MBNL1: variants seen among roughly 807,000 people sequenced by gnomAD.
MBNL1 encodes muscleblind-like protein 1.
In MBNL1, 8 loss-of-function variants were observed where a neutral mutation model predicts 42.2. The observed-to-expected ratio is 0.19, with a 90% confidence interval of 0.11 to 0.34. The LOEUF is 0.34. Ranked by LOEUF, MBNL1 falls within the 10% of genes least tolerant of loss-of-function variation. The pLI, the probability that MBNL1 is intolerant of heterozygous loss-of-function variation, is 1.00. For synonymous variants in MBNL1, 169 were observed against 173.9 expected (o/e 0.97, Z 0.22); for missense variants, 309 against 495.3 (o/e 0.62, Z 3.57).
chr3:152,246,541 A>G (rs868763610), intron 2 of MBNL1, among the ~76,000 whole-genome samples: 4 of 151,594 alleles, frequency 2.6e-5, no homozygotes, highest in Non-Finnish European at 5.9e-5. Flanking sequence ...AATATTTAAT[A>G]TTAATTATTT....
intron 3 of MBNL1, among the ~76,000 whole-genome samples, chr3:152,421,965 C>CT (rs2098812484): frequency 6.9e-6 from 1 of 145,374 alleles, no homozygotes; most frequent in South Asian, 2.1e-4. Context: ...GTACCGACCA[C>CT]TAAAAAAAAA....
At chr3:152,396,609 A>T (rs1579470460) in intron 2 of MBNL1, among the ~76,000 whole-genome samples, 1 of 151,828 alleles carries the variant, frequency 6.6e-6, no homozygotes, top group South Asian at 2.1e-4. Context: ...CATTTTTTCC[A>T]CCCTGGTTTC....
chr3:152,361,213 G>C (rs2095915113), intron 2 of MBNL1, among the ~76,000 whole-genome samples: 1 of 151,796 alleles, frequency 6.6e-6, no homozygotes, highest in African/African-American at 2.4e-5. Context: ...AGAGACTGTG[G>C]GTATACATTT....
At chr3:152,400,097 A>G (rs1222283602) in intron 2 of MBNL1, among the ~76,000 whole-genome samples, 5 of 152,164 alleles carry the variant, frequency 3.3e-5, no homozygotes, top group Non-Finnish European at 7.4e-5. Flanking sequence ...CTATGAGGCT[A>G]ATAAGAATAC....
chr3:152,419,416 C>A (rs549103433), intron 3 of MBNL1, among the ~76,000 whole-genome samples: 1 of 152,150 alleles, frequency 6.6e-6, no homozygotes, highest in African/African-American at 2.4e-5. Context: ...TTGGTGCAGC[C>A]CACAGAGGGT....
intron 1 of MBNL1, among the ~76,000 whole-genome samples, chr3:152,273,296 G>C (rs1401377909): frequency 6.6e-6 from 1 of 152,078 alleles, no homozygotes; most frequent in Non-Finnish European, 1.5e-5. Flanking sequence ...AGAGAAATCG[G>C]TTTTTACGTA....
intron 2 of MBNL1, among the ~76,000 whole-genome samples, chr3:152,373,341 GAAAAAAAAAAA>G (rs35536807): frequency 0.016 from 1,435 of 90,556 alleles, 29 homozygotes; most frequent in African/African-American, 0.057. Flanking sequence ...CTGGGGTATG[GAAAAAAAAAAA>G]AAAAAAAAAA....
At chr3:152,447,314 A>G (rs1711547444) in intron 5 of MBNL1, among the ~76,000 whole-genome samples, 1 of 152,156 alleles carries the variant, frequency 6.6e-6, no homozygotes, top group African/African-American at 2.4e-5. Context: ...TCCCAAATCA[A>G]TGGCTTCTCA....
At chr3:152,245,489 A>T (rs2032710806) in intron 2 of MBNL1, among the ~76,000 whole-genome samples, 1 of 152,166 alleles carries the variant, frequency 6.6e-6, no homozygotes, top group Non-Finnish European at 1.5e-5. Flanking sequence ...TCACACATTT[A>T]CCGTGTGAGA....
chr3:152,407,910 A>T (rs1012206124), intron 2 of MBNL1, among the ~76,000 whole-genome samples: 2 of 152,160 alleles, frequency 1.3e-5, no homozygotes, highest in Admixed American at 6.5e-5. Flanking sequence ...GTTCCCACTT[A>T]TAAGTGGGAG....
intron 2 of MBNL1, among the ~76,000 whole-genome samples, chr3:152,329,871 G>A (rs1219420950): frequency 6.6e-6 from 1 of 151,148 alleles, no homozygotes; most frequent in African/African-American, 2.4e-5. Flanking sequence ...TTTCACTTTT[G>A]CATTTATTTA....
At chr3:152,321,642 G>C (rs1220879776) in intron 2 of MBNL1, among the ~76,000 whole-genome samples, 3 of 151,912 alleles carry the variant, frequency 2.0e-5, no homozygotes, top group African/African-American at 7.3e-5. Context: ...TTGAGAAGCA[G>C]GTCTAATTTT....
chr3:152,376,067 T>A (rs1458846795), intron 2 of MBNL1, among the ~76,000 whole-genome samples: 3 of 152,150 alleles, frequency 2.0e-5, no homozygotes, highest in Admixed American at 6.5e-5. Flanking sequence ...CTTTATATAT[T>A]TCTGCTCAGA....
At chr3:152,451,696 A>G (rs918739706) in intron 6 of MBNL1, among the ~76,000 whole-genome samples, 2 of 152,208 alleles carry the variant, frequency 1.3e-5, no homozygotes, top group African/African-American at 4.8e-5. Flanking sequence ...CTTCAGTTCC[A>G]AACGCTACAA....
intron 2 of MBNL1, among the ~76,000 whole-genome samples, chr3:152,394,514 G>T (rs931854840): frequency 7.9e-5 from 12 of 152,158 alleles, no homozygotes; most frequent in African/African-American, 2.7e-4. Flanking sequence ...CTGAATCCTT[G>T]TCAGCAAAGT....
At chr3:152,312,444 T>C (rs1003147469) in intron 2 of MBNL1, among the ~76,000 whole-genome samples, 2 of 152,206 alleles carry the variant, frequency 1.3e-5, no homozygotes, top group African/African-American at 4.8e-5. Flanking sequence ...AATATATTTT[T>C]AGAAAATTAA....
At chr3:152,311,040 A>T (rs1366874624) in intron 2 of MBNL1, among the ~76,000 whole-genome samples, 21 of 109,012 alleles carry the variant, frequency 1.9e-4, no homozygotes, top group Non-Finnish European at 3.3e-4. Context: ...ACAGAGTCCC[A>T]CTCTGTCGCT....
chr3:152,245,596 A>C (rs1173294742), intron 2 of MBNL1, among the ~76,000 whole-genome samples: 2 of 152,214 alleles, frequency 1.3e-5, no homozygotes, highest in Non-Finnish European at 2.9e-5. Context: ...AAGAAAGTCC[A>C]CACTATCCCA....
intron 2 of MBNL1, among the ~76,000 whole-genome samples, chr3:152,258,886 A>C (rs1294516181): frequency 1.3e-5 from 2 of 152,228 alleles, no homozygotes; most frequent in Non-Finnish European, 2.9e-5. Flanking sequence ...CACAAGTTCA[A>C]GAGTAATCAA....
Sources: gnomAD v4.1 joint callset for allele counts (sites outside exome capture counted in the v4.1 genomes callset) on GRCh38, gnomAD v4.1.1 for gene constraint, MANE v1.5 for transcripts, NCBI Gene and HGNC (gene_info 2026-07-23, HGNC 2026-07-21) for gene names.